NCBP1: variants seen among roughly 807,000 people sequenced by gnomAD.
NCBP1 encodes nuclear cap-binding protein subunit 1.
A neutral mutation model predicts 111.7 loss-of-function variants in NCBP1; 16 were observed. The ratio of observed to expected loss-of-function variants is 0.14; its 90% CI spans 0.10 to 0.22. NCBP1 has a LOEUF of 0.22. Ranked by LOEUF, NCBP1 falls within the 10% of genes least tolerant of loss-of-function variation. The pLI is 1.00. For synonymous variants in NCBP1, 304 were observed against 314.3 expected (o/e 0.97, Z 0.35); for missense variants, 607 against 957.5 (o/e 0.63, Z 4.83).
Position 97,657,932 on chromosome 9 carries a change from T to A in NCBP1, c.1374-708T>A, listed in dbSNP as rs1013410774. On this transcript the variant is annotated intron_variant, in intron 14 of 22. Transcript: ENST00000375147. Reference sequence around the variant, plus strand: ...TATATATATATATATATATATTTTTTTTTTTTTTTTTAACGTCCCCAGCCA... The same window carrying A: ...TATATATATATATATATATATTTTTATTTTTTTTTTTAACGTCCCCAGCCA... Among the ~76,000 whole-genome samples, 943 of 139,366 alleles carry A rather than the reference T, an allele frequency of 6.8e-3. 8 individuals carry two copies. The highest frequency in any genetic ancestry group is 0.026 in the African/African-American group (900 of 34,232). 91.4% of individuals were successfully genotyped at this position (139,366 alleles called of 152,430 possible). A position where few individuals can be genotyped will look rare whatever the true frequency, so the allele number is the denominator to read the frequency against.
At position 97,647,998 on chromosome 9, in the gene NCBP1, C is replaced by T. The variant is rs1405229446; in HGVS notation, c.682-10C>T. 3.2e-6 allele frequency: 5 copies of T among 1,586,470 alleles called. No homozygotes were observed. Among genetic ancestry groups the T allele is most frequent in the Non-Finnish European group, 4.3e-6 (5 of 1,161,242 alleles). On this transcript the variant is annotated splice_polypyrimidine_tract_variant and intron_variant, in intron 7 of 22. Coordinates refer to ENST00000375147, the MANE Select transcript of NCBP1 (RefSeq NM_002486.5). ...ATTATATTAATGATTAAAAATTAAT[C>T]TGTCTTTAGTATTTAGATTGCCTGT... is the stretch of plus-strand genomic sequence containing the variant.
chr9:97,651,647 G>C lies in NCBP1; in HGVS notation c.1059+274G>C, dbSNP rs1564022490. 2.0e-5 allele frequency among the ~76,000 whole-genome samples: 3 copies of C among 152,054 alleles called. No homozygotes were observed. In the South Asian group the frequency reaches 6.2e-4, roughly 32 times the overall value. ...GTCTTCATTCATGGATAGTTGTTGT[G>C]GATAATGTAAGTTACCTCTAGCTCT... On this transcript the variant is annotated intron_variant, in intron 10 of 22. Transcript: ENST00000375147.
At position 97,671,670 on chromosome 9, in the gene NCBP1, A is replaced by C. The variant is rs1363587338; in HGVS notation, c.*471A>C. ...ATGATTTATCATCTCACTCTACTCT[A>C]AAACTGGTGGTTTCTTACTGAAGGT... On this transcript the variant is annotated 3_prime_UTR_variant, in exon 23 of 23. Transcript: ENST00000375147. 1 of 152,442 alleles carries C rather than the reference A, an allele frequency of 6.6e-6. No individual in the cohort carries two copies. Among genetic ancestry groups the C allele is most frequent in the Non-Finnish European group, 1.5e-5 (1 of 68,196 alleles). The allele number at this position is 152,442 out of a possible 1,614,324, so 9.4% of individuals were successfully genotyped here.
chr9:97,639,179 C>T (rs73498322), intron 1 of NCBP1, among the ~76,000 whole-genome samples: 8,846 of 152,160 alleles, frequency 0.058, 870 homozygotes, highest in African/African-American at 0.2. Flanking sequence ...CTTTTTGTGG[C>T]ATTATCCTTT....
chr9:97,643,403 A>G, intron 4 of NCBP1, 43 bp downstream of exon 4: 1 of 1,485,422 alleles, frequency 6.7e-7, no homozygotes. Flanking sequence ...TACTGTTGGG[A>G]TGGAGGGAAA....
Position 97,641,618 on chromosome 9 carries a change from T to C in NCBP1, c.180T>C (p.Asp60=), listed in dbSNP as rs762044154. 1.4e-5 allele frequency: 22 copies of C among 1,609,710 alleles called. No individual in the cohort carries two copies. Among genetic ancestry groups the C allele is most frequent in the Middle Eastern group, 3.3e-4 (2 of 6,058 alleles). The change falls in exon 3 of 23, where the codon GAT becomes GAC. Residue 60 remains aspartate (D), a synonymous_variant. Transcript: ENST00000375147. ...LEGLAGVLEA[D]LPNYKSKILR... is the part of the protein sequence containing the mutation. The stretch of plus-strand genomic sequence containing the variant: ...GCTTGGCTGGTGTTTTGGAAGCTGA[T>C]CTTCCTAACTACAAGAGCAAGATCT...
At chr9:97,669,293 T>C (rs969978917) in intron 21 of NCBP1, among the ~76,000 whole-genome samples, 1 of 152,222 alleles carries the variant, frequency 6.6e-6, no homozygotes, top group Non-Finnish European at 1.5e-5. Context: ...AACATTTTAA[T>C]GCATAGATTC....
At chr9:97,656,821 C>T (rs758144536) in intron 14 of NCBP1, among the ~76,000 whole-genome samples, 1 of 152,124 alleles carries the variant, frequency 6.6e-6, no homozygotes, top group Non-Finnish European at 1.5e-5. Flanking sequence ...AAAACAAAAC[C>T]ACTCTCCTAC....
intron 22 of NCBP1, chr9:97,670,172 C>G: frequency 3.0e-5 from 7 of 230,184 alleles, no homozygotes; most frequent in Non-Finnish European, 6.2e-5. Context: ...GCCTCCGCCT[C>G]CCAAAGTGCT....
Position 97,643,194 on chromosome 9 carries a change from C to T in NCBP1, c.225-10C>T. On this transcript the variant is annotated splice_polypyrimidine_tract_variant and intron_variant, in intron 3 of 22. Transcript: ENST00000375147. ...TGGGGTTTTCTTGTTATACTGGGTT[C>T]TTAAATCAGTGCACGCCTATTACCT... 6.4e-7 allele frequency: 1 copy of T among 1,574,164 alleles called. No homozygotes were observed. The highest frequency in any genetic ancestry group is 8.6e-7 in the Non-Finnish European group (1 of 1,168,198).
chr9:97,649,765 T>TA, intron 8 of NCBP1, among the ~76,000 whole-genome samples: 1 of 150,336 alleles, frequency 6.7e-6, no homozygotes, highest in East Asian at 2.0e-4. Context: ...CAGGGGAAAC[T>TA]AGAATGGGAC....
At position 97,645,070 on chromosome 9, in the gene NCBP1, T is replaced by C. The variant is rs1244743801; in HGVS notation, c.382-47T>C. The C allele has an allele frequency of 2.2e-6, 3 of 1,385,734 alleles. No individual in the cohort carries two copies. The African/African-American group carries it at 4.3e-5, about 20-fold the overall frequency. 85.8% of individuals were successfully genotyped at this position (1,385,734 alleles called of 1,614,324 possible). On this transcript the variant is annotated intron_variant, in intron 4 of 22. Transcript: ENST00000375147. ...ACAAGATTGCTTATTTTGTAGTTAT[T>C]ATAAAGAACATTTAGGTTTAATAGC...
Position 97,645,743 on chromosome 9 carries a change from A to G in NCBP1, c.611+11A>G, listed in dbSNP as rs772560713. 12 of 1,613,292 alleles carry G rather than the reference A, an allele frequency of 7.4e-6. No homozygotes were observed. In the African/African-American group the frequency reaches 1.1e-4, roughly 14 times the overall value. On this transcript the variant is annotated intron_variant, in intron 6 of 22. Coordinates refer to ENST00000375147, the MANE Select transcript of NCBP1 (RefSeq NM_002486.5). ...TGAAAGCTATCTTAAGTAAGGGCAC[A>G]GCTCATAGTACTCTTTGTTGCTTAG...
In NCBP1 at chr9:97,662,936, T is replaced by C. The variant is rs1587722584; in HGVS notation, c.1704-18T>C. ...TGAATAAGTATATATGGTATTTTTT[T>C]CCCATCATTATCAAAAGGTTTCATG... On this transcript the variant is annotated intron_variant, in intron 17 of 22. Transcript: ENST00000375147. The C allele has an allele frequency of 1.9e-6, 3 of 1,568,660 alleles. No individual in the cohort carries two copies. Among genetic ancestry groups the C allele is most frequent in the African/African-American group, 1.4e-5 (1 of 73,180 alleles).
At chr9:97,657,051 C>T (rs780831593) in intron 14 of NCBP1, among the ~76,000 whole-genome samples, 1 of 152,158 alleles carries the variant, frequency 6.6e-6, no homozygotes, top group East Asian at 1.9e-4. Flanking sequence ...TCACTGCAAG[C>T]GCCACCTCCG....
chr9:97,658,052 G>A (rs1018293136), intron 14 of NCBP1, among the ~76,000 whole-genome samples: 1 of 151,196 alleles, frequency 6.6e-6, no homozygotes, highest in Non-Finnish European at 1.5e-5. Flanking sequence ...TATTCATGGA[G>A]CCCTAGTTTC....
Position 97,671,887 on chromosome 9 carries a change from T to G in NCBP1, c.*688T>G, listed in dbSNP as rs1828203854. ...GGGGGTGGAACGCAGACATCCTCAG[T>G]AATCCTTAAAGTTTCCCCAGGTGAT... On this transcript the variant is annotated 3_prime_UTR_variant, in exon 23 of 23. Coordinates refer to ENST00000375147, the MANE Select transcript of NCBP1 (RefSeq NM_002486.5). 6.6e-6 allele frequency: 1 copy of G among 152,240 alleles called. No homozygotes were observed. Among genetic ancestry groups the G allele is most frequent in the Non-Finnish European group, 1.5e-5 (1 of 68,056 alleles). The allele number at this position is 152,240 out of a possible 1,614,324, so 9.4% of individuals were successfully genotyped here.
At chr9:97,669,306 G>A (rs1175604005) in intron 21 of NCBP1, among the ~76,000 whole-genome samples, 1 of 152,042 alleles carries the variant, frequency 6.6e-6, no homozygotes, top group African/African-American at 2.4e-5. Flanking sequence ...ATAGATTCCT[G>A]TTAAAATTTC....
At position 97,657,885 on chromosome 9, in the gene NCBP1, G is replaced by GCTCTCTCTCTCTCTCT. The variant is rs3052096; in HGVS notation, c.1374-748_1374-733dup. Among the ~76,000 whole-genome samples the GCTCTCTCTCTCTCTCT allele has an allele frequency of 8.4e-3, 955 of 113,862 alleles. 23 individuals carry two copies. The highest frequency in any genetic ancestry group is 0.033 in the African/African-American group (904 of 27,314). 74.7% of individuals were successfully genotyped at this position (113,862 alleles called of 152,430 possible). A position where few individuals can be genotyped will look rare whatever the true frequency, so the allele number is the denominator to read the frequency against. ...GTATGTACATGAGGAGCCCCGGTAAGCTCTCTCTCTCTCTCTCTCTCTATA... is the reference window on the plus strand; with the variant it reads ...GTATGTACATGAGGAGCCCCGGTAAGCTCTCTCTCTCTCTCTCTCTCTCTCTCTCTCTCTCTCTATA... On this transcript the variant is annotated intron_variant, in intron 14 of 22. Coordinates refer to ENST00000375147, the MANE Select transcript of NCBP1 (RefSeq NM_002486.5).
Sources: gnomAD v4.1 joint callset for allele counts (sites outside exome capture counted in the v4.1 genomes callset) on GRCh38, gnomAD v4.1.1 for gene constraint, MANE v1.5 for transcripts, NCBI Gene and HGNC (gene_info 2026-07-23, HGNC 2026-07-21) for gene names.